The following LHX2 variants were observed in gnomAD, a reference collection of about 807,000 sequenced individuals.
LHX2 encodes LIM/homeobox protein Lhx2.
A neutral mutation model predicts 33.0 loss-of-function variants in LHX2; 6 were observed. The ratio of observed to expected loss-of-function variants is 0.18; its 90% confidence interval spans 0.10 to 0.36. The LOEUF (loss-of-function observed/expected upper bound fraction) is 0.36. Among genes scored for constraint, LHX2 ranks in the 10% least tolerant of loss-of-function variants. The probability of loss-of-function intolerance (pLI) is 1.00; values close to 1 mark genes in which losing one functional copy is unlikely to be tolerated. For synonymous variants in LHX2, 292 were observed against 253.1 expected (o/e 1.15, Z -1.46); for missense variants, 442 against 586.2 (o/e 0.75, Z 2.54).
At chr9:124,030,547 AG>A (rs1343032817) in intron 4 of LHX2, among the ~76,000 whole-genome samples, 1 of 151,930 alleles carries the variant, frequency 6.6e-6, no homozygotes, top group African/African-American at 2.4e-5. Flanking sequence ...CTCTGGGTAC[AG>A]CGGGTCCCTG....
Position 124,012,588 on chromosome 9 carries a change from T to A in LHX2, c.120+120T>A, listed in dbSNP as rs1460472770. ...GCCGCACGGGACTGGGTGCTGGGGATCCTCGGTCAGAATGCAAGGCCGGTG... is the reference window on the plus strand; with the variant it reads ...GCCGCACGGGACTGGGTGCTGGGGAACCTCGGTCAGAATGCAAGGCCGGTG... On this transcript the variant is annotated intron_variant, in intron 1 of 4. Coordinates refer to ENST00000373615, the MANE Select transcript of LHX2 (RefSeq NM_004789.4). This position sits in a 1 kb window ranked among gnomAD's most constrained non-coding sequence, Gnocchi z 4.3. 8.2e-7 allele frequency: 1 copy of A among 1,215,572 alleles called. No individual in the cohort carries two copies. 75.3% of individuals were successfully genotyped at this position (1,215,572 alleles called of 1,614,324 possible).
chr9:124,032,666 C>T lies in LHX2; in HGVS notation c.1180C>T (p.Pro394Ser), dbSNP rs1316908197. ...SVPGNLEGHE[P>S]HSPSQTTLTN... ...GCCTGGCAACCTGGAGGGCCATGAG[C>T]CTCACAGCCCCTCACAAACGACTCT... Residue 394 changes from proline to serine, a missense_variant, in exon 5 of 5, where the codon CCT becomes TCT. Physicochemically the swap from Pro to Ser is moderately conservative, Grantham distance 74. Transcript: ENST00000373615. The surrounding 1 kb of genome is among the most constrained non-coding windows in gnomAD (Gnocchi z 4.1). 1.2e-6 allele frequency: 2 copies of T among 1,608,342 alleles called. No homozygotes were observed. The highest frequency in any genetic ancestry group is 2.2e-5 in the East Asian group (1 of 44,702).
chr9:124,028,622 C>A (rs1488668005), intron 4 of LHX2, among the ~76,000 whole-genome samples: 1 of 152,210 alleles, frequency 6.6e-6, no homozygotes, highest in Non-Finnish European at 1.5e-5. Flanking sequence ...CTTTCCACTG[C>A]ACTATAGTTG....
In LHX2 at chr9:124,024,645, C is replaced by T. The variant is rs1487809415; in HGVS notation, c.933+3341C>T. Among the ~76,000 whole-genome samples, 9 of 152,260 alleles carry T rather than the reference C, an allele frequency of 5.9e-5. No homozygotes were observed. The South Asian group carries it at 1.5e-3, about 25-fold the overall frequency. On this transcript the variant is annotated intron_variant, in intron 4 of 4. Transcript: ENST00000373615. ...ATTTACAGAGTGTAGAGTCAGGACC[C>T]AGGCATGCTGATCTCATGCACTCAT...
In LHX2 at chr9:124,016,180, A is replaced by G. The variant is rs114981146; in HGVS notation, c.727+655A>G. Among the ~76,000 whole-genome samples the G allele has an allele frequency of 0.027, 3,600 of 135,244 alleles. 140 individuals carry two copies. The highest frequency in any genetic ancestry group is 0.092 in the African/African-American group (3,415 of 37,254). The allele number at this position is 135,244 out of a possible 152,430, so 88.7% of individuals were successfully genotyped here. ...GTGAGGGCCGTGACCCTCGGAAGCG[A>G]GCCCCCCGGGCGGGGACGAGACCGG... On this transcript the variant is annotated intron_variant, in intron 3 of 4. Transcript: ENST00000373615. This position sits in a 1 kb window ranked among gnomAD's most constrained non-coding sequence, Gnocchi z 4.4.
intron 4 of LHX2, among the ~76,000 whole-genome samples, chr9:124,031,332 G>T (rs1186647842): frequency 6.6e-6 from 1 of 152,078 alleles, no homozygotes; most frequent in Non-Finnish European, 1.5e-5. Flanking sequence ...ATTATTGCCT[G>T]ATTCTCATGT....
Position 124,032,726 on chromosome 9 carries a change from C to A in LHX2, c.*19C>A, listed in dbSNP as rs774323707. On this transcript the variant is annotated 3_prime_UTR_variant, in exon 5 of 5. Coordinates refer to ENST00000373615, the MANE Select transcript of LHX2 (RefSeq NM_004789.4). The surrounding 1 kb of genome is among the most constrained non-coding windows in gnomAD (Gnocchi z 4.1). The stretch of plus-strand genomic sequence containing the variant: ...TTTCTAATGACTCGCAACCCCTCAC[C>A]CCACAATTTCTTTAAAAAAGAAATT... The A allele has an allele frequency of 6.5e-7, 1 of 1,527,820 alleles. No homozygotes were observed. The highest frequency in any genetic ancestry group is 8.8e-7 in the Non-Finnish European group (1 of 1,136,138). 94.6% of individuals were successfully genotyped at this position (1,527,820 alleles called of 1,614,324 possible). A position where few individuals can be genotyped will look rare whatever the true frequency, so the allele number is the denominator to read the frequency against.
rs1859111735 is a variant in LHX2, at chr9:124,012,553, C to A, written c.120+85C>A. The stretch of plus-strand genomic sequence containing the variant: ...CCTCTGCTCCCCGAAGTTTGGGGAG[C>A]GTCCTTCGTGCCGCACGGGACTGGG... On this transcript the variant is annotated intron_variant, in intron 1 of 4. Transcript: ENST00000373615. This position sits in a 1 kb window ranked among gnomAD's most constrained non-coding sequence, Gnocchi z 4.3. The A allele has an allele frequency of 5.8e-6, 8 of 1,373,908 alleles. No homozygotes were observed. The highest frequency in any genetic ancestry group is 2.9e-5 in the East Asian group (1 of 33,954). The allele number at this position is 1,373,908 out of a possible 1,614,324, so 85.1% of individuals were successfully genotyped here.
rs1381462442 is a variant in LHX2 at position 124,012,015 on chromosome 9, C to A, written c.-334C>A. 6.5e-6 allele frequency: 1 copy of A among 153,460 alleles called. No homozygotes were observed. The highest frequency in any genetic ancestry group is 1.5e-5 in the Non-Finnish European group (1 of 68,944). The allele number at this position is 153,460 out of a possible 1,614,324, so 9.5% of individuals were successfully genotyped here. On this transcript the variant is annotated 5_prime_UTR_variant, in exon 1 of 5. Transcript: ENST00000373615. The surrounding 1 kb of genome is among the most constrained non-coding windows in gnomAD (Gnocchi z 4.3). ...GCGCTGAAGCCGGGCGGGCGATGCC[C>A]GCGGCGTGAAAGCGCCCGCGGCGGG...
intron 4 of LHX2, among the ~76,000 whole-genome samples, chr9:124,024,450 T>C (rs777356195): frequency 2.6e-5 from 4 of 152,218 alleles, no homozygotes; most frequent in Non-Finnish European, 5.9e-5. Context: ...CAGTTGGTAG[T>C]ATGCCTTTGA....
chr9:124,026,327 A>G (rs1828620848), intron 4 of LHX2, among the ~76,000 whole-genome samples: 1 of 151,848 alleles, frequency 6.6e-6, no homozygotes, highest in African/African-American at 2.4e-5. Flanking sequence ...GCATGGTGGC[A>G]TGTGCCTGTA....
At chr9:124,018,211 C>A (rs1289100398) in intron 3 of LHX2, among the ~76,000 whole-genome samples, 3 of 151,252 alleles carry the variant, frequency 2.0e-5, no homozygotes, top group Non-Finnish European at 2.9e-5. Flanking sequence ...TAACAGATCA[C>A]GAGTAAATTA....
At position 124,012,260 on chromosome 9, in the gene LHX2, C is replaced by G; in HGVS notation, c.-89C>G. ...GGCCGCGGTGGCGATGCACCGGGCC[C>G]GTTAGCGCCAGGAGCGCCAGGCAGC... On this transcript the variant is annotated 5_prime_UTR_variant, in exon 1 of 5. Coordinates refer to ENST00000373615, the MANE Select transcript of LHX2 (RefSeq NM_004789.4). The surrounding 1 kb of genome is among the most constrained non-coding windows in gnomAD (Gnocchi z 4.3). The G allele has an allele frequency of 3.1e-6, 4 of 1,306,076 alleles. No homozygotes were observed. Among genetic ancestry groups the G allele is most frequent in the South Asian group, 1.8e-5 (1 of 56,246 alleles). 80.9% of individuals were successfully genotyped at this position (1,306,076 alleles called of 1,614,324 possible).
intron 4 of LHX2, 98 bp downstream of exon 4, chr9:124,021,402 G>A (rs1859291162): frequency 3.0e-6 from 3 of 986,888 alleles, no homozygotes; most frequent in South Asian, 3.0e-5. Context: ...CTTCCACCCT[G>A]TGTCTGCTTC....
chr9:124,019,546 A>G (rs375792799), intron 3 of LHX2, among the ~76,000 whole-genome samples: 28 of 152,340 alleles, frequency 1.8e-4, no homozygotes, highest in African/African-American at 6.5e-4. Context: ...ATAAATGACA[A>G]TTTTTTAGCA....
At position 124,032,226 on chromosome 9, in the gene LHX2, A is replaced by C. The variant is rs1251269196; in HGVS notation, c.934-194A>C. On this transcript the variant is annotated intron_variant, in intron 4 of 4. Transcript: ENST00000373615. This position sits in a 1 kb window ranked among gnomAD's most constrained non-coding sequence, Gnocchi z 4.1. ...CACTGCACTTCAGCCTGGGGGACCAAGCCAGACCCTGTCTGCAAACAAAAA... is the reference window on the plus strand; with the variant it reads ...CACTGCACTTCAGCCTGGGGGACCACGCCAGACCCTGTCTGCAAACAAAAA... 2.3e-5 allele frequency: 14 copies of C among 609,312 alleles called. No homozygotes were observed. Among genetic ancestry groups the C allele is most frequent in the Non-Finnish European group, 3.6e-5 (13 of 362,100 alleles). 37.7% of individuals were successfully genotyped at this position (609,312 alleles called of 1,614,324 possible).
At chr9:124,030,783 C>A (rs1289600183) in intron 4 of LHX2, among the ~76,000 whole-genome samples, 1 of 151,834 alleles carries the variant, frequency 6.6e-6, no homozygotes, top group Non-Finnish European at 1.5e-5. Context: ...AGGAGCGCAC[C>A]ATCACACCCA....
In LHX2 at chr9:124,015,595, T is replaced by G; in HGVS notation, c.727+70T>G. On this transcript the variant is annotated intron_variant, in intron 3 of 4. Transcript: ENST00000373615. The surrounding 1 kb of genome is among the most constrained non-coding windows in gnomAD (Gnocchi z 7.9). ...GTGTGCGGCCTCGACGGCCGGGAGCTGGATTGAATCTCTGTGTGCTGGGCA... is the reference window on the plus strand; with the variant it reads ...GTGTGCGGCCTCGACGGCCGGGAGCGGGATTGAATCTCTGTGTGCTGGGCA... The G allele has an allele frequency of 7.1e-7, 1 of 1,415,192 alleles. No homozygotes were observed. The highest frequency in any genetic ancestry group is 1.5e-5 in the South Asian group (1 of 66,202). The allele number at this position is 1,415,192 out of a possible 1,614,324, so 87.7% of individuals were successfully genotyped here.
In LHX2 at chr9:124,015,661, C is replaced by T. The variant is rs554347457; in HGVS notation, c.727+136C>T. The T allele has an allele frequency of 4.5e-5, 44 of 973,000 alleles. 2 individuals carry two copies. In the East Asian group the frequency reaches 1.1e-3, roughly 24 times the overall value. 60.3% of individuals were successfully genotyped at this position (973,000 alleles called of 1,614,324 possible). On this transcript the variant is annotated intron_variant, in intron 3 of 4. Transcript: ENST00000373615. This position sits in a 1 kb window ranked among gnomAD's most constrained non-coding sequence, Gnocchi z 7.9. Reference sequence around the variant, plus strand: ...GCACCGGACGGCCTCGCAGAAGGGACATTAGCCCCCTGGGCTTCCAGACTG... The same window carrying T: ...GCACCGGACGGCCTCGCAGAAGGGATATTAGCCCCCTGGGCTTCCAGACTG...
Sources: gnomAD v4.1 joint callset for allele counts (sites outside exome capture counted in the v4.1 genomes callset) on GRCh38, gnomAD v4.1.1 for gene constraint, Gnocchi (gnomAD v3.1) non-coding constraint, MANE v1.5 for transcripts, NCBI Gene and HGNC (gene_info 2026-07-23, HGNC 2026-07-21) for gene names.